THSD4: variants seen among roughly 807,000 people sequenced by gnomAD.
The protein encoded by THSD4 is thrombospondin type-1 domain-containing protein 4.
A neutral mutation model predicts 119.0 loss-of-function variants in THSD4; 69 were observed. The observed-to-expected ratio is 0.58, with a 90% confidence interval of 0.48 to 0.71. The LOEUF (loss-of-function observed/expected upper bound fraction) is 0.71, where lower values mean the gene tolerates loss of function less well. THSD4 is among the 30% of genes least tolerant of loss of function. The pLI, the probability that THSD4 is intolerant of heterozygous loss-of-function variation, is 0.00. For missense variants in THSD4, 1,393 were observed against 1,391.1 expected (o/e 1.00, Z -0.02); for synonymous variants, 524 against 540.4 (o/e 0.97, Z 0.42).
intron 7 of THSD4, among the ~76,000 whole-genome samples, chr15:71,475,648 C>T (rs947329927): frequency 1.3e-5 from 2 of 152,114 alleles, no homozygotes; most frequent in East Asian, 1.9e-4. Context: ...GGCGGCCAGG[C>T]GTGGTGGCTC....
At chr15:71,529,139 T>C (rs1013856124) in intron 7 of THSD4, among the ~76,000 whole-genome samples, 1 of 152,152 alleles carries the variant, frequency 6.6e-6, no homozygotes, top group Non-Finnish European at 1.5e-5. Flanking sequence ...TTGGAAACCA[T>C]GTATTGAGGG....
chr15:71,577,730 T>G lies in THSD4; in HGVS notation c.1153-82800T>G, dbSNP rs190423465. On this transcript the variant is annotated intron_variant, in intron 7 of 17. Transcript: ENST00000261862. ...ATTTATTTATTTTATTTTATTTTAT[T>G]TTATTTTTGAGACGGAGTCTTGCCC... Among the ~76,000 whole-genome samples the G allele has an allele frequency of 2.8e-3, 421 of 148,820 alleles. 3 individuals are homozygous for G. Among genetic ancestry groups the G allele is most frequent in the African/African-American group, 0.01 (406 of 40,360 alleles).
At chr15:71,265,594 C>G (rs1211167503) in intron 6 of THSD4, among the ~76,000 whole-genome samples, 1 of 152,068 alleles carries the variant, frequency 6.6e-6, no homozygotes, top group Non-Finnish European at 1.5e-5. Context: ...CCTGGAATGC[C>G]AGTGAGACAA....
chr15:71,446,690 G>A (rs538524648), intron 7 of THSD4, among the ~76,000 whole-genome samples: 8 of 152,188 alleles, frequency 5.3e-5, no homozygotes, highest in Admixed American at 1.3e-4. Flanking sequence ...GCAGCAATTC[G>A]GTAGTGTCAT....
intron 6 of THSD4, among the ~76,000 whole-genome samples, chr15:71,351,842 C>T (rs11072274): frequency 0.25 from 37,657 of 152,136 alleles, 4,880 homozygotes; most frequent in Non-Finnish European, 0.3. Context: ...CTACTCCCTT[C>T]CAGGGGCCAT....
At chr15:71,457,480 C>A (rs776131051) in intron 7 of THSD4, among the ~76,000 whole-genome samples, 1 of 151,908 alleles carries the variant, frequency 6.6e-6, no homozygotes, top group Non-Finnish European at 1.5e-5. Context: ...ACCTGAAATG[C>A]CGTCCAGTCT....
intron 7 of THSD4, among the ~76,000 whole-genome samples, chr15:71,588,411 A>AT (rs201233222): frequency 0.019 from 2,901 of 151,310 alleles, 85 homozygotes; most frequent in South Asian, 0.054. Context: ...TTAATTTTTA[A>AT]TTTTTTTTAA....
Position 71,507,214 on chromosome 15 carries a change from AC to A in THSD4, c.1152+95393del, listed in dbSNP as rs1479585018. The stretch of plus-strand genomic sequence containing the variant: ...CCCCGCTGGCTCAGAGCTCTGCCTC[AC>A]CGCCCTGCCCCAGCACCTGCAAGCC... On this transcript the variant is annotated intron_variant, in intron 7 of 17. Transcript: ENST00000261862. Among the ~76,000 whole-genome samples the A allele has an allele frequency of 2.6e-5, 4 of 152,256 alleles. No homozygotes were observed. In the East Asian group the frequency reaches 7.8e-4, roughly 30 times the overall value.
intron 8 of THSD4, among the ~76,000 whole-genome samples, chr15:71,726,080 G>A (rs8036340): frequency 0.89 from 136,094 of 152,238 alleles, 62,571 homozygotes; most frequent in Non-Finnish European, 1. Flanking sequence ...GTGCCCAGCC[G>A]CACCACTTTT....
intron 6 of THSD4, among the ~76,000 whole-genome samples, chr15:71,365,057 C>A (rs7162192): frequency 0.21 from 31,006 of 151,198 alleles, 3,856 homozygotes; most frequent in East Asian, 0.54. Flanking sequence ...AGAGATGATA[C>A]AAAAATCATT....
At chr15:71,462,197 T>C (rs755180919) in intron 7 of THSD4, among the ~76,000 whole-genome samples, 2 of 152,242 alleles carry the variant, frequency 1.3e-5, no homozygotes, top group Non-Finnish European at 2.9e-5. Flanking sequence ...GGTCTCACTC[T>C]GTCACCCCGG....
At chr15:71,523,338 C>T (rs986069222) in intron 7 of THSD4, among the ~76,000 whole-genome samples, 2 of 152,142 alleles carry the variant, frequency 1.3e-5, no homozygotes, top group African/African-American at 4.8e-5. Flanking sequence ...ATCTCTGGCT[C>T]CATCACCACA....
upstream of THSD4, chr15:71,111,025 A>C (rs1297143527): frequency 5.5e-6 from 6 of 1,087,928 alleles, no homozygotes; most frequent in Admixed American, 1.5e-4. Flanking sequence ...TCCTAAGGAG[A>C]AGCAGCCTCG....
At chr15:71,149,565 CT>C (rs1322678278) in intron 2 of THSD4, among the ~76,000 whole-genome samples, 1 of 152,188 alleles carries the variant, frequency 6.6e-6, no homozygotes, top group East Asian at 1.9e-4. Context: ...CATTTGTTAT[CT>C]CCAGAGTGCA....
chr15:71,104,051 C>A (rs1257825369), intron 1 of THSD4, among the ~76,000 whole-genome samples: 1 of 152,218 alleles, frequency 6.6e-6, no homozygotes, highest in Non-Finnish European at 1.5e-5. Flanking sequence ...CTCCTCCATC[C>A]ATTCTGTCCA....
chr15:71,215,298 G>A lies in THSD4; in HGVS notation c.363G>A (p.Thr121=), dbSNP rs753126999. ...SVPLHRSRDE[T]PALAGTDASR... ...CACTGCACCGGAGCCGCGACGAGAC[G>A]CCAGCGCTGGCCGGTACGGACGCCA... The change falls in exon 4 of 18, where the codon ACG becomes ACA. Residue 121 remains threonine (T), a synonymous_variant. Coordinates refer to ENST00000261862, the MANE Select transcript of THSD4 (RefSeq NM_024817.3). The A allele has an allele frequency of 2.0e-6, 3 of 1,524,152 alleles. No homozygotes were observed. Among genetic ancestry groups the A allele is most frequent in the East Asian group, 2.5e-5 (1 of 39,458 alleles). The allele number at this position is 1,524,152 out of a possible 1,614,324, so 94.4% of individuals were successfully genotyped here.
chr15:71,363,499 G>C, intron 6 of THSD4, among the ~76,000 whole-genome samples: 1 of 152,208 alleles, frequency 6.6e-6, no homozygotes, highest in East Asian at 1.9e-4. Flanking sequence ...TGAGCATACT[G>C]TGTTTCTAGA....
chr15:71,578,218 A>G (rs1176685225), intron 7 of THSD4, among the ~76,000 whole-genome samples: 1 of 150,730 alleles, frequency 6.6e-6, no homozygotes, highest in East Asian at 1.9e-4. Context: ...TTGAATATAT[A>G]TATAAACTCT....
At chr15:71,272,089 G>C (rs943332359) in intron 6 of THSD4, among the ~76,000 whole-genome samples, 10 of 152,080 alleles carry the variant, frequency 6.6e-5, no homozygotes, top group African/African-American at 2.4e-4. Context: ...CCACTTACTA[G>C]CAAGAAAACA....
Sources: gnomAD v4.1 joint callset for allele counts (sites outside exome capture counted in the v4.1 genomes callset) on GRCh38, gnomAD v4.1.1 for gene constraint, MANE v1.5 for transcripts, NCBI Gene and HGNC (gene_info 2026-07-23, HGNC 2026-07-21) for gene names.